TMEM38A: variants seen among roughly 807,000 people sequenced by gnomAD.
TMEM38A encodes transmembrane protein 38A.
TMEM38A carries 17 observed loss-of-function variants against 28.6 expected under a neutral mutation model. That is an observed-to-expected ratio of 0.60 (90% confidence interval 0.41 to 0.89). TMEM38A has a LOEUF of 0.89. Among genes scored for constraint, TMEM38A ranks in the 40% least tolerant of loss-of-function variants. TMEM38A has a pLI of 0.00. For synonymous variants in TMEM38A, 169 were observed against 166.1 expected (o/e 1.02, Z -0.14); for missense variants, 328 against 393.1 (o/e 0.83, Z 1.40).
chr19:16,680,232 C>T, intron 2 of TMEM38A, 92 bp downstream of exon 2: 3 of 1,526,012 alleles, frequency 2.0e-6, no homozygotes, highest in South Asian at 1.2e-5. Context: ...AATTAGAATG[C>T]ACCAGCAACA....
rs2086777463 is a variant in TMEM38A, at chr19:16,680,516, T to A, written c.401T>A (p.Ile134Asn). The A allele has an allele frequency of 6.2e-7, 1 of 1,614,026 alleles. No individual in the cohort carries two copies. The highest frequency in any genetic ancestry group is 8.5e-7 in the Non-Finnish European group (1 of 1,180,032). ...VVRVRKIAVG[I>N]HHAHHHYHHG... The stretch of plus-strand genomic sequence containing the variant: ...CGAGTCCGCAAGATCGCGGTGGGCA[T>A]CCATCACGCCCATCACCACTACCAC... The change falls in exon 3 of 6, where the codon ATC becomes AAC. Residue 134 changes from isoleucine to asparagine, a missense_variant. Transcript: ENST00000187762.
chr19:16,683,924 C>T (rs2086791262), intron 4 of TMEM38A, among the ~76,000 whole-genome samples: 2 of 151,226 alleles, frequency 1.3e-5, no homozygotes, highest in Admixed American at 1.3e-4. Flanking sequence ...GAGCCGAGAT[C>T]ACGCTATTGC....
chr19:16,672,798 A>G (rs150735812), intron 1 of TMEM38A, among the ~76,000 whole-genome samples: 4 of 152,202 alleles, frequency 2.6e-5, no homozygotes, highest in Non-Finnish European at 5.9e-5. Flanking sequence ...CAGTAAGCTT[A>G]TGGGACTTGT....
intron 1 of TMEM38A, among the ~76,000 whole-genome samples, chr19:16,666,785 T>C (rs2086704813): frequency 6.6e-6 from 1 of 151,886 alleles, no homozygotes; most frequent in Non-Finnish European, 1.5e-5. Flanking sequence ...AAACCCCGTC[T>C]CTACTAAAAA....
At chr19:16,678,447 A>AG (rs2086762621) in intron 1 of TMEM38A, among the ~76,000 whole-genome samples, 1 of 150,638 alleles carries the variant, frequency 6.6e-6, no homozygotes, top group Non-Finnish European at 1.5e-5. Flanking sequence ...AAAAAAAAAA[A>AG]AGAGCTATAC....
rs756821863 is a variant in TMEM38A, at chr19:16,686,424, G to A, written c.672+19G>A. On this transcript the variant is annotated intron_variant, in intron 5 of 5. Transcript: ENST00000187762. Reference sequence around the variant, plus strand: ...CTGTAAGGTAAGCCTTTCTCTTCTTGCAGCATTCTTGCCTTGACCAATGCC... The same window carrying A: ...CTGTAAGGTAAGCCTTTCTCTTCTTACAGCATTCTTGCCTTGACCAATGCC... 2 of 1,604,114 alleles carry A rather than the reference G, an allele frequency of 1.2e-6. No individual in the cohort carries two copies. The highest frequency in any genetic ancestry group is 2.2e-5 in the South Asian group (2 of 90,864).
intron 1 of TMEM38A, among the ~76,000 whole-genome samples, chr19:16,672,162 A>G (rs1200039193): frequency 6.6e-6 from 1 of 152,146 alleles, no homozygotes; most frequent in Middle Eastern, 3.2e-3. Context: ...GGAAAAGCTC[A>G]TTCCAGTCCT....
At chr19:16,679,963 G>A (rs1366990398) in intron 1 of TMEM38A, 21 bp from the exon 2 acceptor site, 48 of 1,577,704 alleles carry the variant, frequency 3.0e-5, no homozygotes, top group Non-Finnish European at 3.9e-5. Flanking sequence ...TGATGATGGG[G>A]GACACTCCTG....
rs74519356 is a variant in TMEM38A at position 16,673,468 on chromosome 19, A to C, written c.125-6516A>C. On this transcript the variant is annotated intron_variant, in intron 1 of 5. Transcript: ENST00000187762. Reference sequence around the variant, plus strand: ...GTTGATTTCACTTTTCTCCTGTTGCAACATTGTATCAGTGAAACATCTTCC... The same window carrying C: ...GTTGATTTCACTTTTCTCCTGTTGCCACATTGTATCAGTGAAACATCTTCC... 4.3e-3 allele frequency among the ~76,000 whole-genome samples: 651 copies of C among 152,292 alleles called. 3 individuals carry two copies. The highest frequency in any genetic ancestry group is 0.014 in the African/African-American group (602 of 41,546).
chr19:16,666,129 C>T (rs933850750), intron 1 of TMEM38A, among the ~76,000 whole-genome samples: 15 of 151,496 alleles, frequency 9.9e-5, no homozygotes, highest in African/African-American at 3.1e-4. Flanking sequence ...TACAGACACG[C>T]GCCACCATGC....
At chr19:16,686,602 G>A (rs949831234) in intron 5 of TMEM38A, among the ~76,000 whole-genome samples, 197 bp downstream of exon 5, 3 of 152,100 alleles carry the variant, frequency 2.0e-5, no homozygotes, top group African/African-American at 7.2e-5. Context: ...ACAGATGAGA[G>A]GAACAGGCCT....
At chr19:16,663,052 G>A (rs1228159790) in intron 1 of TMEM38A, among the ~76,000 whole-genome samples, 3 of 151,798 alleles carry the variant, frequency 2.0e-5, no homozygotes, top group African/African-American at 7.3e-5. Context: ...AGGCCAAGAC[G>A]GGCAGATCGC....
At chr19:16,686,481 A>T in intron 5 of TMEM38A, 76 bp downstream of exon 5, 1 of 1,202,902 alleles carries the variant, frequency 8.3e-7, no homozygotes, top group Non-Finnish European at 1.2e-6. Context: ...GAGTGGGGAA[A>T]TTGGACACTC....
At chr19:16,683,780 G>A (rs554376952) in intron 4 of TMEM38A, among the ~76,000 whole-genome samples, 2 of 152,020 alleles carry the variant, frequency 1.3e-5, no homozygotes, top group Admixed American at 1.3e-4. Context: ...AGACCAGCCT[G>A]ACCAACATAG....
At chr19:16,677,276 G>A (rs112045395) in intron 1 of TMEM38A, among the ~76,000 whole-genome samples, 11 of 152,160 alleles carry the variant, frequency 7.2e-5, no homozygotes, top group African/African-American at 2.6e-4. Context: ...TAATGATAGT[G>A]CATTATTAAA....
At chr19:16,679,320 T>G (rs180825832) in intron 1 of TMEM38A, among the ~76,000 whole-genome samples, 5 of 150,068 alleles carry the variant, frequency 3.3e-5, no homozygotes, top group Non-Finnish European at 4.4e-5. Flanking sequence ...TTAGATGGAG[T>G]CTTGCTCTGT....
chr19:16,680,638 G>A lies in TMEM38A; in HGVS notation c.466+57G>A, dbSNP rs1238959230. The A allele has an allele frequency of 1.9e-6, 3 of 1,566,516 alleles. No individual in the cohort carries two copies. In the East Asian group the frequency reaches 6.8e-5, roughly 35 times the overall value. The stretch of plus-strand genomic sequence containing the variant: ...CCAGTGGAGAACTTTTGGTTCAGTG[G>A]TACTACCAGGCACCCCAGCTAGGAA... On this transcript the variant is annotated intron_variant, in intron 3 of 5. Transcript: ENST00000187762.
intron 1 of TMEM38A, 94 bp from the exon 2 acceptor site, chr19:16,679,890 C>T (rs1568315917): frequency 7.4e-6 from 10 of 1,348,586 alleles, no homozygotes; most frequent in South Asian, 1.5e-5. Flanking sequence ...GTTGGGTGGG[C>T]GCTCTGGATT....
rs780199675 is a variant in TMEM38A at position 16,680,457 on chromosome 19, G to A, written c.342G>A (p.Val114=). The A allele has an allele frequency of 1.2e-6, 2 of 1,614,156 alleles. No homozygotes were observed. The highest frequency in any genetic ancestry group is 1.7e-6 in the Non-Finnish European group (2 of 1,180,030). ...ACAAGTGTGTCTGCTTCCTGCCTGT[G>A]AAACTCATCTTCGTGGCCATGAAGG... The part of the protein sequence containing the change: ...LFYKCVCFLP[V]KLIFVAMKEV... Residue 114 remains valine (V), a synonymous_variant, in exon 3 of 6, where the codon GTG becomes GTA. Coordinates refer to ENST00000187762, the MANE Select transcript of TMEM38A (RefSeq NM_024074.4).
Sources: allele counts gnomAD v4.1 joint callset (sites outside exome capture counted in the v4.1 genomes callset), GRCh38; gene constraint gnomAD v4.1.1; transcripts MANE v1.5; gene names NCBI Gene and HGNC (gene_info 2026-07-23, HGNC 2026-07-21).